The following TENM3 variants were observed in gnomAD, a reference collection of about 807,000 sequenced individuals.
TENM3 encodes the protein teneurin-3.
Under a neutral mutation model 255.1 loss-of-function variants are expected in TENM3, and 63 were observed. The observed-to-expected ratio is 0.25, with a 90% CI of 0.20 to 0.30. The LOEUF is 0.30. Among genes scored for constraint, TENM3 ranks in the 10% least tolerant of loss-of-function variants. The pLI is 1.00. For missense variants in TENM3, 2,929 were observed against 3,461.1 expected, an observed-to-expected ratio of 0.85 and a Z score of 3.86; for synonymous variants, 1,306 against 1,322.3, an observed-to-expected ratio of 0.99 and a Z score of 0.27.
intron 12 of TENM3, among the ~76,000 whole-genome samples, chr4:182,697,131 T>C (rs1757489552): frequency 1.3e-5 from 2 of 152,218 alleles, no homozygotes; most frequent in Non-Finnish European, 2.9e-5. Flanking sequence ...GTTGTTGTTG[T>C]TGCTGGTCGT....
chr4:181,545,707 T>C, the TENM3 span, among the ~76,000 whole-genome samples: 1 of 152,230 alleles, frequency 6.6e-6, no homozygotes, highest in Non-Finnish European at 1.5e-5. Context: ...CAAATATGTT[T>C]AAAATTAAAG....
chr4:182,360,951 TA>T (rs1765930654), intron 3 of TENM3, among the ~76,000 whole-genome samples: 1 of 152,224 alleles, frequency 6.6e-6, no homozygotes, highest in Non-Finnish European at 1.5e-5. Context: ...TGCTTGTCTG[TA>T]AAGTATTCTA....
At chr4:182,501,480 GTATT>G (rs1178466282) in intron 3 of TENM3, among the ~76,000 whole-genome samples, 1 of 151,876 alleles carries the variant, frequency 6.6e-6, no homozygotes, top group African/African-American at 2.4e-5. Flanking sequence ...ATATTTTAGA[GTATT>G]TGTTTTTTCA....
At chr4:181,862,894 GA>G in the TENM3 span, among the ~76,000 whole-genome samples, 1 of 152,106 alleles carries the variant, frequency 6.6e-6, no homozygotes, top group Non-Finnish European at 1.5e-5. Context: ...AAGAAGTAAA[GA>G]ATATCCTGGT....
chr4:182,647,186 T>C (rs1037588366), intron 5 of TENM3, among the ~76,000 whole-genome samples: 1 of 152,222 alleles, frequency 6.6e-6, no homozygotes, highest in Non-Finnish European at 1.5e-5. Flanking sequence ...CAACAACGAT[T>C]TTCTGCAGGG....
At chr4:181,805,533 G>A in the TENM3 span, among the ~76,000 whole-genome samples, 4 of 152,006 alleles carry the variant, frequency 2.6e-5, no homozygotes, top group Non-Finnish European at 5.9e-5. Context: ...CTGAGGTTCT[G>A]TTCAGAGTTT....
At chr4:181,546,052 G>T in the TENM3 span, among the ~76,000 whole-genome samples, 1 of 152,176 alleles carries the variant, frequency 6.6e-6, no homozygotes, top group Non-Finnish European at 1.5e-5. Flanking sequence ...TATTGCCACG[G>T]TTTCCCTATC....
At chr4:181,680,033 G>T in the TENM3 span, among the ~76,000 whole-genome samples, 4,760 of 152,142 alleles carry the variant, frequency 0.031, 232 homozygotes, top group African/African-American at 0.11. Flanking sequence ...GTATCTCATT[G>T]TCAGTGTAGC....
chr4:181,641,123 CT>C, the TENM3 span, among the ~76,000 whole-genome samples: 2 of 152,072 alleles, frequency 1.3e-5, no homozygotes, highest in Admixed American at 6.6e-5. Flanking sequence ...AAAAGATTAT[CT>C]TTTTTTCTAT....
intron 1 of TENM3, among the ~76,000 whole-genome samples, chr4:182,228,449 T>C (rs182975452): frequency 1.3e-5 from 2 of 149,274 alleles, no homozygotes; most frequent in Non-Finnish European, 3.0e-5. Context: ...ATGTTGGAAA[T>C]TGGACAACTG....
the TENM3 span, among the ~76,000 whole-genome samples, chr4:181,891,527 C>T: frequency 6.6e-6 from 1 of 152,146 alleles, no homozygotes; most frequent in African/African-American, 2.4e-5. Flanking sequence ...TATCTCCTTT[C>T]TTGCTTCTAT....
chr4:181,969,065 A>C, the TENM3 span, among the ~76,000 whole-genome samples: 1 of 152,038 alleles, frequency 6.6e-6, no homozygotes, highest in African/African-American at 2.4e-5. Context: ...ACACAAACAC[A>C]CACACACATA....
chr4:182,362,838 C>T (rs7340967), intron 3 of TENM3, among the ~76,000 whole-genome samples: 105,558 of 152,122 alleles, frequency 0.69, 38,524 homozygotes, highest in East Asian at 0.91. Context: ...AGCTGTAGAC[C>T]GGAGCTGTTC....
At chr4:181,760,960 CCACACACATACA>C in the TENM3 span, among the ~76,000 whole-genome samples, 11 of 79,662 alleles carry the variant, frequency 1.4e-4, no homozygotes, top group Admixed American at 7.1e-4. Flanking sequence ...ATCTCCCCCA[CCACACACATACA>C]CACACACACA....
the TENM3 span, among the ~76,000 whole-genome samples, chr4:181,941,286 T>C: frequency 1.3e-5 from 2 of 149,148 alleles, no homozygotes; most frequent in Admixed American, 1.3e-4. Context: ...TTCTCTACTC[T>C]CTCTTTCCAG....
At chr4:182,557,619 C>T (rs952330596) in intron 3 of TENM3, among the ~76,000 whole-genome samples, 1 of 152,140 alleles carries the variant, frequency 6.6e-6, no homozygotes, top group African/African-American at 2.4e-5. Flanking sequence ...TACATATAGT[C>T]TCTAGCCAGT....
At chr4:182,747,806 T>C (rs922073289) in intron 19 of TENM3, among the ~76,000 whole-genome samples, 3 of 152,214 alleles carry the variant, frequency 2.0e-5, no homozygotes, top group African/African-American at 7.2e-5. Context: ...TGACTTAATA[T>C]TTAAAAATCA....
the TENM3 span, among the ~76,000 whole-genome samples, chr4:181,518,608 T>C: frequency 6.6e-6 from 1 of 152,280 alleles, no homozygotes; most frequent in South Asian, 2.1e-4. Flanking sequence ...TTTGTATTTT[T>C]AGTAGAGACA....
At chr4:181,851,068 C>T in the TENM3 span, among the ~76,000 whole-genome samples, 1 of 152,132 alleles carries the variant, frequency 6.6e-6, no homozygotes, top group Non-Finnish European at 1.5e-5. Flanking sequence ...ATCGGAAACC[C>T]ACTTCCCAAA....
Sources: allele counts gnomAD v4.1 joint callset (sites outside exome capture counted in the v4.1 genomes callset), GRCh38; gene constraint gnomAD v4.1.1; transcripts MANE v1.5; gene names NCBI Gene and HGNC (gene_info 2026-07-23, HGNC 2026-07-21).